The following BTBD9 variants were observed in gnomAD, a reference collection of about 807,000 sequenced individuals.
BTBD9 encodes the protein BTB/POZ domain-containing protein 9.
A neutral mutation model predicts 64.3 loss-of-function variants in BTBD9; 49 were observed. That is an observed-to-expected ratio of 0.76 (90% CI 0.61 to 0.97). The LOEUF (loss-of-function observed/expected upper bound fraction) is 0.97. Among genes scored for constraint, BTBD9 ranks in the 50% least tolerant of loss-of-function variants. The pLI is 0.00. For missense variants in BTBD9, 598 were observed against 762.1 expected, an observed-to-expected ratio of 0.78 and a Z score of 2.53; for synonymous variants, 260 against 274.7, an observed-to-expected ratio of 0.95 and a Z score of 0.53.
intron 6 of BTBD9, among the ~76,000 whole-genome samples, chr6:38,503,684 A>G (rs1228920418): frequency 6.6e-6 from 1 of 152,082 alleles, no homozygotes; most frequent in Non-Finnish European, 1.5e-5. Flanking sequence ...CCACCAAACT[A>G]AAAACTTACA....
At chr6:38,456,002 G>A (rs376041733) in intron 6 of BTBD9, among the ~76,000 whole-genome samples, 31 of 141,418 alleles carry the variant, frequency 2.2e-4, no homozygotes, top group East Asian at 1.3e-3. Flanking sequence ...TTTTTCTTTT[G>A]AGACAGAGTC....
At chr6:38,264,778 A>G (rs1036044703) in intron 8 of BTBD9, among the ~76,000 whole-genome samples, 2 of 152,184 alleles carry the variant, frequency 1.3e-5, no homozygotes, top group African/African-American at 4.8e-5. Flanking sequence ...GGGAGCCTAG[A>G]GCCCAGTAAC....
At chr6:38,635,896 G>A (rs951658615) in intron 1 of BTBD9, among the ~76,000 whole-genome samples, 5 of 152,078 alleles carry the variant, frequency 3.3e-5, no homozygotes, top group African/African-American at 1.2e-4. Context: ...GACAAGAACT[G>A]ATCCAAGTTT....
intron 6 of BTBD9, among the ~76,000 whole-genome samples, chr6:38,536,487 A>G (rs1222154996): frequency 6.6e-6 from 1 of 152,170 alleles, no homozygotes; most frequent in East Asian, 1.9e-4. Context: ...TATATACCCA[A>G]AAGAAAGGAA....
intron 7 of BTBD9, among the ~76,000 whole-genome samples, 197 bp downstream of exon 7, chr6:38,344,787 T>C (rs1764218649): frequency 6.6e-6 from 1 of 152,210 alleles, no homozygotes; most frequent in Admixed American, 6.5e-5. Context: ...AACATTTACA[T>C]TCATTCTTTT....
rs147532602 is a variant in BTBD9, at chr6:38,619,861, T to C, written c.-28+19939A>G. On this transcript the variant is annotated intron_variant, in intron 1 of 10. Transcript: ENST00000481247. The stretch of plus-strand genomic sequence containing the variant: ...CTCTTTTCACATGCCTTTCTTGTTA[T>C]GCCTGAAAGTCCCACACCCTTATTA... Among the ~76,000 whole-genome samples, 958 of 152,318 alleles carry C rather than the reference T, an allele frequency of 6.3e-3. 9 individuals carry two copies. Among genetic ancestry groups the C allele is most frequent in the African/African-American group, 0.022 (898 of 41,562 alleles).
chr6:38,402,937 G>C (rs928081245), intron 6 of BTBD9: 20 of 672,304 alleles, frequency 3.0e-5, no homozygotes, highest in Admixed American at 1.1e-4. Context: ...CTGGACTTTG[G>C]TGGTGTGCAC....
chr6:38,228,606 T>C lies in BTBD9; in HGVS notation c.1562+27803A>G, dbSNP rs528210632. Among the ~76,000 whole-genome samples, 10 of 151,180 alleles carry C rather than the reference T, an allele frequency of 6.6e-5. No individual in the cohort carries two copies. The South Asian group carries it at 1.7e-3, about 25-fold the overall frequency. On this transcript the variant is annotated intron_variant, in intron 9 of 10. Transcript: ENST00000481247. The stretch of plus-strand genomic sequence containing the variant: ...AAAACAGTCTCTAGGCTGGGCACGG[T>C]GGCTCATGCCTGTAATCCCAGCACT...
intron 9 of BTBD9, among the ~76,000 whole-genome samples, chr6:38,234,836 G>T (rs1052848675): frequency 1.3e-5 from 2 of 152,214 alleles, no homozygotes; most frequent in African/African-American, 4.8e-5. Context: ...TACAGATAAT[G>T]CTGCCATATT....
At chr6:38,375,613 C>A (rs889155598) in intron 6 of BTBD9, among the ~76,000 whole-genome samples, 1 of 152,156 alleles carries the variant, frequency 6.6e-6, no homozygotes, top group African/African-American at 2.4e-5. Context: ...AATATCAGAT[C>A]TTTTCTTGCT....
chr6:38,315,070 G>A (rs545310876), intron 7 of BTBD9, among the ~76,000 whole-genome samples: 24 of 152,030 alleles, frequency 1.6e-4, no homozygotes, highest in South Asian at 8.3e-4. Flanking sequence ...CGATGGTCTC[G>A]ATCTTCTGAC....
chr6:38,445,303 T>A (rs1327030444), intron 6 of BTBD9, among the ~76,000 whole-genome samples: 1 of 152,212 alleles, frequency 6.6e-6, no homozygotes, highest in African/African-American at 2.4e-5. Context: ...AATCAATCCA[T>A]AGGAGAGAAA....
intron 9 of BTBD9, among the ~76,000 whole-genome samples, chr6:38,196,329 C>T (rs766774602): frequency 6.6e-6 from 1 of 152,196 alleles, no homozygotes; most frequent in African/African-American, 2.4e-5. Context: ...AGATTAAATA[C>T]ATTAACAAAT....
At chr6:38,307,536 T>G (rs900838036) in intron 7 of BTBD9, among the ~76,000 whole-genome samples, 1 of 152,222 alleles carries the variant, frequency 6.6e-6, no homozygotes, top group Admixed American at 6.5e-5. Flanking sequence ...CACCTCTCCA[T>G]ACCTGTGGGT....
intron 6 of BTBD9, among the ~76,000 whole-genome samples, chr6:38,438,351 G>A (rs754949680): frequency 6.6e-6 from 1 of 152,172 alleles, no homozygotes; most frequent in Admixed American, 6.5e-5. Context: ...ATAAGCCTGG[G>A]CAGCAGAAAA....
At chr6:38,312,825 G>C (rs1762886139) in intron 7 of BTBD9, among the ~76,000 whole-genome samples, 1 of 152,172 alleles carries the variant, frequency 6.6e-6, no homozygotes, top group Non-Finnish European at 1.5e-5. Context: ...AGTATAATTT[G>C]AAGTCAGGTA....
At chr6:38,504,941 C>G (rs1312928334) in intron 6 of BTBD9, among the ~76,000 whole-genome samples, 1 of 152,162 alleles carries the variant, frequency 6.6e-6, no homozygotes, top group East Asian at 1.9e-4. Context: ...ACTGGAAATG[C>G]TTTTGTAATA....
At chr6:38,240,282 T>C (rs1202463633) in intron 9 of BTBD9, among the ~76,000 whole-genome samples, 1 of 152,252 alleles carries the variant, frequency 6.6e-6, no homozygotes, top group Non-Finnish European at 1.5e-5. Context: ...AATCCACAAA[T>C]GCCTCTATTT....
At position 38,174,697 on chromosome 6, in the gene BTBD9, G is replaced by A. The variant is rs375237582; in HGVS notation, c.*288C>T. 2.8e-5 allele frequency: 12 copies of A among 426,938 alleles called. No homozygotes were observed. The highest frequency in any genetic ancestry group is 1.5e-4 in the East Asian group (4 of 25,818). The allele number at this position is 426,938 out of a possible 1,614,324, so 26.4% of individuals were successfully genotyped here. Reference sequence around the variant, plus strand: ...TCTATGACTTCCTCCTGTTCCCTGCGCCTGGGCTAGATTAGAGAGGTAGGG... The same window carrying A: ...TCTATGACTTCCTCCTGTTCCCTGCACCTGGGCTAGATTAGAGAGGTAGGG... On this transcript the variant is annotated 3_prime_UTR_variant, in exon 11 of 11. Coordinates refer to ENST00000481247, the MANE Select transcript of BTBD9 (RefSeq NM_001099272.2).
Sources: allele counts gnomAD v4.1 joint callset (sites outside exome capture counted in the v4.1 genomes callset), GRCh38; gene constraint gnomAD v4.1.1; transcripts MANE v1.5; gene names NCBI Gene and HGNC (gene_info 2026-07-23, HGNC 2026-07-21).